Variants in THSD4 observed in about 807,000 individuals in gnomAD.
THSD4 encodes thrombospondin type-1 domain-containing protein 4.
Under a neutral mutation model 119.0 loss-of-function variants are expected in THSD4, and 69 were observed. The ratio of observed to expected loss-of-function variants is 0.58; its 90% CI spans 0.48 to 0.71. The LOEUF (loss-of-function observed/expected upper bound fraction) is 0.71. Among genes scored for constraint, THSD4 ranks in the 30% least tolerant of loss-of-function variants. The pLI is 0.00. For synonymous variants in THSD4, 524 were observed against 540.4 expected, an observed-to-expected ratio of 0.97 and a Z score of 0.42; for missense variants, 1,393 against 1,391.1, an observed-to-expected ratio of 1.00 and a Z score of -0.02.
chr15:71,193,609 G>C (rs540795391), intron 3 of THSD4, among the ~76,000 whole-genome samples: 141 of 152,288 alleles, frequency 9.3e-4, no homozygotes, highest in African/African-American at 3.3e-3. Context: ...TAATTCCCAC[G>C]TGCTGTGGGA....
chr15:71,588,633 C>A lies in THSD4; in HGVS notation c.1153-71897C>A, dbSNP rs373555409. ...TATTTTTAGTAGACATGGGTTTCAC[C>A]ACGTTACCCAGGCTGGTCTCGAATT... On this transcript the variant is annotated intron_variant, in intron 7 of 17. Transcript: ENST00000261862. Among the ~76,000 whole-genome samples, 8 of 151,992 alleles carry A rather than the reference C, an allele frequency of 5.3e-5. 1 individual carries two copies. The East Asian group carries it at 1.4e-3, about 26-fold the overall frequency.
intron 6 of THSD4, among the ~76,000 whole-genome samples, chr15:71,304,753 A>G (rs964523283): frequency 6.6e-6 from 1 of 152,218 alleles, no homozygotes; most frequent in South Asian, 2.1e-4. Context: ...TCCAACAAAA[A>G]GTAACCAAAA....
At chr15:71,633,012 C>T (rs2050661531) in intron 7 of THSD4, among the ~76,000 whole-genome samples, 3 of 152,118 alleles carry the variant, frequency 2.0e-5, no homozygotes, top group Non-Finnish European at 2.9e-5. Context: ...GCTTACCCGA[C>T]AGCTTGCCTT....
At chr15:71,700,120 G>A (rs551678149) in intron 8 of THSD4, among the ~76,000 whole-genome samples, 6 of 151,994 alleles carry the variant, frequency 3.9e-5, no homozygotes, top group African/African-American at 1.4e-4. Flanking sequence ...AAATAAATGA[G>A]GTATAAAGAT....
At chr15:71,312,544 C>CA (rs1278887035) in intron 6 of THSD4, among the ~76,000 whole-genome samples, 1 of 152,044 alleles carries the variant, frequency 6.6e-6, no homozygotes, top group Non-Finnish European at 1.5e-5. Flanking sequence ...TTCCAGCCTC[C>CA]AGAACTGAGA....
At chr15:71,757,880 G>T in intron 14 of THSD4, 22 bp from the exon 15 acceptor site, 1 of 1,611,818 alleles carries the variant, frequency 6.2e-7, no homozygotes, top group Non-Finnish European at 8.5e-7. Context: ...CCTGACTAAT[G>T]TGCCCTTCCC....
At chr15:71,327,615 C>T (rs748256697) in intron 6 of THSD4, among the ~76,000 whole-genome samples, 2 of 151,626 alleles carry the variant, frequency 1.3e-5, no homozygotes, top group Non-Finnish European at 2.9e-5. Context: ...CTTTTAGAAA[C>T]CCCCATTCCC....
At chr15:71,629,993 C>T (rs560805028) in intron 7 of THSD4, among the ~76,000 whole-genome samples, 6 of 152,150 alleles carry the variant, frequency 3.9e-5, no homozygotes, top group East Asian at 1.9e-4. Context: ...CTCTCTTGGC[C>T]GGCTTTGCTC....
intron 6 of THSD4, among the ~76,000 whole-genome samples, chr15:71,281,757 G>A (rs2044655933): frequency 6.6e-6 from 1 of 152,164 alleles, no homozygotes; most frequent in African/African-American, 2.4e-5. Flanking sequence ...TGATAAATGA[G>A]TTTGTATATA....
intron 7 of THSD4, among the ~76,000 whole-genome samples, chr15:71,659,232 T>G (rs2051250023): frequency 6.6e-6 from 1 of 152,232 alleles, no homozygotes; most frequent in African/African-American, 2.4e-5. Context: ...ACTCACAATA[T>G]TTCATTGTCC....
intron 1 of THSD4, among the ~76,000 whole-genome samples, chr15:71,137,906 G>A (rs1237366862): frequency 6.6e-6 from 1 of 152,186 alleles, no homozygotes; most frequent in Non-Finnish European, 1.5e-5. Context: ...TCAGCAGTAA[G>A]GTTGCAAATC....
intron 7 of THSD4, among the ~76,000 whole-genome samples, chr15:71,501,255 C>A (rs374865992): frequency 6.6e-6 from 1 of 152,146 alleles, no homozygotes; most frequent in Non-Finnish European, 1.5e-5. Flanking sequence ...CACACATATT[C>A]GGCACTTTCA....
intron 8 of THSD4, among the ~76,000 whole-genome samples, chr15:71,724,265 G>A (rs1471881294): frequency 6.9e-5 from 1 of 14,578 alleles, no homozygotes; most frequent in East Asian, 6.4e-3. Context: ...CTCTATGATG[G>A]GATATATATA....
At chr15:71,408,396 C>A (rs2046636641) in intron 6 of THSD4, among the ~76,000 whole-genome samples, 1 of 152,082 alleles carries the variant, frequency 6.6e-6, no homozygotes, top group Non-Finnish European at 1.5e-5. Context: ...TCACGCCCAC[C>A]TAATTTTTAA....
intron 6 of THSD4, among the ~76,000 whole-genome samples, chr15:71,277,455 C>G (rs2044606294): frequency 1.3e-5 from 2 of 152,134 alleles, no homozygotes; most frequent in African/African-American, 2.4e-5. Context: ...CCAAACCCAG[C>G]TGCCTTCAGC....
chr15:71,157,365 G>A (rs951943622), intron 3 of THSD4, among the ~76,000 whole-genome samples: 1 of 152,026 alleles, frequency 6.6e-6, no homozygotes, highest in African/African-American at 2.4e-5. Flanking sequence ...ATACAATTTG[G>A]TGGTATTTTA....
At chr15:71,380,328 A>G (rs2046212085) in intron 6 of THSD4, among the ~76,000 whole-genome samples, 1 of 152,144 alleles carries the variant, frequency 6.6e-6, no homozygotes, top group Non-Finnish European at 1.5e-5. Flanking sequence ...TGGTCTCAGT[A>G]CAGAACTCAT....
At chr15:71,543,444 C>A (rs891217476) in intron 7 of THSD4, among the ~76,000 whole-genome samples, 1 of 151,996 alleles carries the variant, frequency 6.6e-6, no homozygotes, top group Non-Finnish European at 1.5e-5. Context: ...GGGCCATAGA[C>A]CTGTTGGGGA....
intron 7 of THSD4, among the ~76,000 whole-genome samples, chr15:71,541,042 A>G (rs1032309816): frequency 6.6e-6 from 1 of 152,160 alleles, no homozygotes; most frequent in Non-Finnish European, 1.5e-5. Flanking sequence ...TTACTTTTTG[A>G]ATAGCAATAC....
Sources: allele counts gnomAD v4.1 joint callset (sites outside exome capture counted in the v4.1 genomes callset), GRCh38; gene constraint gnomAD v4.1.1; transcripts MANE v1.5; gene names NCBI Gene and HGNC (gene_info 2026-07-23, HGNC 2026-07-21).